The following SHANK2 variants were observed in gnomAD, a reference collection of about 807,000 sequenced individuals.
The protein encoded by SHANK2 is SH3 and multiple ankyrin repeat domains protein 2.
Under a neutral mutation model 133.7 loss-of-function variants are expected in SHANK2, and 43 were observed. The observed-to-expected ratio is 0.32, with a 90% CI of 0.25 to 0.41. SHANK2 has a LOEUF of 0.41. Ranked by LOEUF, SHANK2 falls within the 10% of genes least tolerant of loss-of-function variation. The pLI, the probability that SHANK2 is intolerant of heterozygous loss-of-function variation, is 1.00. For missense variants in SHANK2, 1,994 were observed against 2,235.8 expected (o/e 0.89, Z 2.18); for synonymous variants, 1,017 against 952.8 (o/e 1.07, Z -1.24).
At chr11:71,059,687 A>G (rs894776246) in intron 9 of SHANK2, among the ~76,000 whole-genome samples, 162 of 152,102 alleles carry the variant, frequency 1.1e-3, no homozygotes, top group African/African-American at 3.7e-3. Flanking sequence ...TAATGAGGGA[A>G]CCACACCCTC....
intron 17 of SHANK2, among the ~76,000 whole-genome samples, chr11:70,556,469 GC>G (rs2059832222): frequency 6.6e-6 from 1 of 151,004 alleles, no homozygotes. Context: ...AGGCTGGGTT[GC>G]CAGGATGCAG....
At chr11:70,825,637 G>A (rs1027295111) in intron 11 of SHANK2, among the ~76,000 whole-genome samples, 2 of 152,108 alleles carry the variant, frequency 1.3e-5, no homozygotes, top group South Asian at 4.1e-4. Context: ...AATTTCTTTG[G>A]TGTTTATTTT....
At chr11:70,684,668 T>C (rs1267390833) in intron 15 of SHANK2, among the ~76,000 whole-genome samples, 1 of 151,830 alleles carries the variant, frequency 6.6e-6, no homozygotes, top group African/African-American at 2.4e-5. Context: ...GGAAAGAGTG[T>C]CAAGGTGGGA....
At chr11:70,532,162 T>G (rs1198251817) in intron 17 of SHANK2, among the ~76,000 whole-genome samples, 2 of 152,216 alleles carry the variant, frequency 1.3e-5, no homozygotes, top group African/African-American at 4.8e-5. Context: ...TCAGGCATGC[T>G]GAGCTGAAAT....
At chr11:71,210,605 ACTT>A (rs1480186129) in intron 2 of SHANK2, among the ~76,000 whole-genome samples, 2 of 151,866 alleles carry the variant, frequency 1.3e-5, no homozygotes, top group African/African-American at 4.8e-5. Context: ...CACTCATCTC[ACTT>A]CTTCCCTACT....
At chr11:70,769,374 C>T (rs868915769) in intron 14 of SHANK2, among the ~76,000 whole-genome samples, 1 of 152,156 alleles carries the variant, frequency 6.6e-6, no homozygotes, top group Admixed American at 6.5e-5. Context: ...TAGACTCCTT[C>T]TAGGAGGATC....
At chr11:70,899,858 C>T (rs1357746013) in intron 10 of SHANK2, among the ~76,000 whole-genome samples, 5 of 152,216 alleles carry the variant, frequency 3.3e-5, no homozygotes, top group Non-Finnish European at 5.9e-5. Flanking sequence ...CGGAGGGATG[C>T]GGCCCCAGAG....
At chr11:71,112,778 C>T (rs945715235) in intron 5 of SHANK2, among the ~76,000 whole-genome samples, 7 of 151,984 alleles carry the variant, frequency 4.6e-5, no homozygotes, top group Non-Finnish European at 8.8e-5. Context: ...GCAGGGTGTT[C>T]ATGGTGTGGA....
At chr11:70,648,690 C>G (rs1555009209) in intron 17 of SHANK2, among the ~76,000 whole-genome samples, 1 of 152,178 alleles carries the variant, frequency 6.6e-6, no homozygotes, top group Admixed American at 6.5e-5. Flanking sequence ...CACGCTCTCT[C>G]TGATGTAAAT....
At chr11:71,207,546 T>C (rs1010453530) in intron 2 of SHANK2, among the ~76,000 whole-genome samples, 11 of 152,216 alleles carry the variant, frequency 7.2e-5, no homozygotes, top group African/African-American at 2.7e-4. Context: ...TGTTTGCTTG[T>C]TGTGGTGAAT....
At chr11:70,717,688 G>A (rs782278995) in intron 14 of SHANK2, among the ~76,000 whole-genome samples, 2 of 152,088 alleles carry the variant, frequency 1.3e-5, no homozygotes, top group Admixed American at 6.5e-5. Context: ...TTCTTGAACC[G>A]TGAATTCTCG....
chr11:71,118,955 C>G lies in SHANK2; in HGVS notation c.285G>C (p.Leu95Phe). ...ACAGGCCGTAGTTCAGGACATCTTT[C>G]AAACTCTGGGTTAATGTACACAGGA... ...QRILCTLTQS[L>F]KDVLNYGLFQ... The change falls in exon 4 of 26, where the codon TTG becomes TTC. Residue 95 changes from leucine to phenylalanine, a missense_variant. This residue lies in a region of SHANK2 where 653 missense variants were observed against 563.4 expected (regional missense o/e 1.16). Coordinates refer to ENST00000601538, the MANE Select transcript of SHANK2 (RefSeq NM_012309.5). 6.4e-7 allele frequency: 1 copy of G among 1,551,788 alleles called. No homozygotes were observed.
chr11:70,680,039 G>T (rs925792229), intron 15 of SHANK2, among the ~76,000 whole-genome samples: 1 of 152,194 alleles, frequency 6.6e-6, no homozygotes, highest in Admixed American at 6.5e-5. Context: ...TGCACAGTCT[G>T]AGAGAGGCGG....
chr11:70,622,376 C>T (rs1463293910), intron 17 of SHANK2, among the ~76,000 whole-genome samples: 11 of 152,320 alleles, frequency 7.2e-5, no homozygotes, highest in South Asian at 2.1e-4. Context: ...CTCTCCACCC[C>T]GGTGTTTGAT....
In SHANK2 at chr11:71,147,105, G is replaced by A. The variant is rs77851214; in HGVS notation, c.207+15C>T. 1.6e-3 allele frequency: 2,446 copies of A among 1,540,140 alleles called. 34 individuals are homozygous for A. In the African/African-American group the frequency reaches 0.03, roughly 19 times the overall value. ...TTGTCCAGATGTGAACCAAAGGGCA[G>A]ACCACGGGGCTCACCGTCTGCTGCA... On this transcript the variant is annotated intron_variant, in intron 3 of 25. Coordinates refer to ENST00000601538, the MANE Select transcript of SHANK2 (RefSeq NM_012309.5).
At chr11:70,582,272 C>T (rs10899210) in intron 17 of SHANK2, among the ~76,000 whole-genome samples, 33,483 of 152,198 alleles carry the variant, frequency 0.22, 4,135 homozygotes, top group East Asian at 0.46. Flanking sequence ...ACCTAACTGT[C>T]CCCACACATC....
intron 17 of SHANK2, among the ~76,000 whole-genome samples, chr11:70,645,568 C>T (rs1221278092): frequency 6.6e-6 from 1 of 152,226 alleles, no homozygotes; most frequent in Non-Finnish European, 1.5e-5. Context: ...AAACCAATCA[C>T]TGCTGACCCC....
chr11:70,661,001 G>A (rs1400017755), intron 16 of SHANK2, among the ~76,000 whole-genome samples: 1 of 152,258 alleles, frequency 6.6e-6, no homozygotes, highest in Admixed American at 6.5e-5. Flanking sequence ...CACCGCCATG[G>A]ACTGCATTCC....
rs1555106884 is a variant in SHANK2 at position 71,147,211 on chromosome 11, G to A, written c.116C>T (p.Ala39Val). ...GGCACCGCCCGGCTTCTCCGCAGTG[G>A]CCCGGATCGTGTCATAGATGGTCTC... Reference protein sequence around the residue: ...KEETIYDTIRATAEKPGGART... With the variant: ...KEETIYDTIRVTAEKPGGART... Residue 39 changes from alanine to valine, a missense_variant, in exon 3 of 26, where the codon GCC (alanine) becomes GTC (valine). By Grantham distance (64) the Ala-to-Val change is moderately conservative. Coordinates refer to ENST00000601538, the MANE Select transcript of SHANK2 (RefSeq NM_012309.5). 7 of 1,550,806 alleles carry A rather than the reference G, an allele frequency of 4.5e-6. No individual in the cohort carries two copies. The South Asian group carries it at 7.1e-5, about 16-fold the overall frequency.
Sources: allele counts gnomAD v4.1 joint callset (sites outside exome capture counted in the v4.1 genomes callset), GRCh38; gene constraint gnomAD v4.1.1; regional missense constraint gnomAD v4.1.1; transcripts MANE v1.5; gene names NCBI Gene and HGNC (gene_info 2026-07-23, HGNC 2026-07-21).